Variants in CPEB1 observed in about 807,000 individuals in gnomAD.
CPEB1 encodes cytoplasmic polyadenylation element-binding protein 1.
Under a neutral mutation model 65.8 loss-of-function variants are expected in CPEB1, and 7 were observed. That is an observed-to-expected ratio of 0.11 (90% confidence interval 0.06 to 0.20). CPEB1 has a LOEUF of 0.20. Among genes scored for constraint, CPEB1 ranks in the 10% least tolerant of loss-of-function variants. The pLI is 1.00. For missense variants in CPEB1, 551 were observed against 712.2 expected (o/e 0.77, Z 2.58); for synonymous variants, 262 against 260.0 (o/e 1.01, Z -0.08).
At chr15:82,627,008 C>G (rs1164782251) in intron 3 of CPEB1, among the ~76,000 whole-genome samples, 185 bp downstream of exon 3, 1 of 152,082 alleles carries the variant, frequency 6.6e-6, no homozygotes, top group Admixed American at 6.6e-5. Context: ...TTTACACATC[C>G]TAATCAAAGG....
At chr15:82,622,006 T>C (rs1188934008) in intron 3 of CPEB1, among the ~76,000 whole-genome samples, 5 of 152,234 alleles carry the variant, frequency 3.3e-5, no homozygotes, top group African/African-American at 4.8e-5. Flanking sequence ...AAGACATCCC[T>C]TAATGATGTT....
At chr15:82,555,665 T>C (rs939484901) in intron 6 of CPEB1, among the ~76,000 whole-genome samples, 12 of 152,228 alleles carry the variant, frequency 7.9e-5, no homozygotes, top group Non-Finnish European at 1.6e-4. Context: ...AACCTGCCTC[T>C]TTCCTCTCCA....
chr15:82,637,347 T>C (rs2046745711), intron 1 of CPEB1, among the ~76,000 whole-genome samples: 1 of 152,188 alleles, frequency 6.6e-6, no homozygotes, highest in African/African-American at 2.4e-5. Context: ...CTTCTTCCTA[T>C]TTAAAAAGCA....
chr15:82,635,051 C>T (rs1433851207), intron 1 of CPEB1, among the ~76,000 whole-genome samples: 4 of 152,084 alleles, frequency 2.6e-5, no homozygotes, highest in South Asian at 2.1e-4. Context: ...GATGGGGTTT[C>T]GCCATGTTGG....
chr15:82,564,318 C>T (rs1596027596), intron 4 of CPEB1, among the ~76,000 whole-genome samples: 2 of 152,168 alleles, frequency 1.3e-5, no homozygotes, highest in African/African-American at 2.4e-5. Flanking sequence ...CGGAGTCTCG[C>T]TCTGTTGCCC....
intron 3 of CPEB1, among the ~76,000 whole-genome samples, chr15:82,598,596 C>T (rs558080995): frequency 3.2e-4 from 48 of 152,138 alleles, no homozygotes; most frequent in African/African-American, 1.1e-3. Context: ...ACCAGCCTGA[C>T]CAACATGGTG....
Position 82,552,654 on chromosome 15 carries a change from T to C in CPEB1, c.1145-38A>G, listed in dbSNP as rs1040687389. 3.7e-6 allele frequency: 6 copies of C among 1,610,480 alleles called. No homozygotes were observed. In the African/African-American group the frequency reaches 4.0e-5, roughly 11 times the overall value. ...AGAGGAAAAATCGCATTAATATCCC[T>C]TAGGTGGCCACTCCTCAGCCTTGGC... On this transcript the variant is annotated intron_variant, in intron 8 of 12. Coordinates refer to ENST00000684509, the MANE Select transcript of CPEB1 (RefSeq NM_001365242.1).
intron 1 of CPEB1, among the ~76,000 whole-genome samples, chr15:82,645,874 A>G (rs2047469172): frequency 6.7e-6 from 1 of 149,322 alleles, no homozygotes; most frequent in Admixed American, 6.6e-5. Flanking sequence ...TCTCAAAATA[A>G]ATAAATAAAT....
At chr15:82,594,048 G>A (rs565892693) in intron 3 of CPEB1, among the ~76,000 whole-genome samples, 6 of 152,246 alleles carry the variant, frequency 3.9e-5, no homozygotes, top group Admixed American at 2.6e-4. Context: ...CAGAATGGTC[G>A]GTAAGCACTG....
chr15:82,584,503 C>T (rs2041591256), intron 3 of CPEB1, among the ~76,000 whole-genome samples: 1 of 151,488 alleles, frequency 6.6e-6, no homozygotes, highest in Non-Finnish European at 1.5e-5. Context: ...CATGGTGAAA[C>T]CCCATCTCTA....
intron 4 of CPEB1, among the ~76,000 whole-genome samples, chr15:82,559,364 C>T (rs2037797700): frequency 6.6e-6 from 1 of 152,140 alleles, no homozygotes; most frequent in African/African-American, 2.4e-5. Context: ...ACATTTAACA[C>T]AGGGGAAACT....
chr15:82,585,147 C>T (rs556036416), intron 3 of CPEB1, among the ~76,000 whole-genome samples: 16 of 152,130 alleles, frequency 1.1e-4, no homozygotes, highest in African/African-American at 3.9e-4. Context: ...AGCGGAAGCC[C>T]TTTATTTCAC....
At chr15:82,573,910 T>G (rs1425077085) in intron 3 of CPEB1, among the ~76,000 whole-genome samples, 1 of 152,010 alleles carries the variant, frequency 6.6e-6, no homozygotes, top group Non-Finnish European at 1.5e-5. Flanking sequence ...AAGGCAGCAG[T>G]GAAAGCCATG....
chr15:82,636,724 G>A (rs72751677), intron 1 of CPEB1, among the ~76,000 whole-genome samples: 4,287 of 152,160 alleles, frequency 0.028, 76 homozygotes, highest in Non-Finnish European at 0.034. Context: ...CACTGCCCCA[G>A]AATAGTATCT....
chr15:82,630,907 CA>C lies in CPEB1; in HGVS notation c.-97-2352del, dbSNP rs1164330921. On this transcript the variant is annotated intron_variant, in intron 1 of 12. Coordinates refer to ENST00000684509, the MANE Select transcript of CPEB1 (RefSeq NM_001365242.1). ...CACAAAATTGTGTCTTTTCAATACA[CA>C]AAAATTAACCTAGCTTTTAATTACT... 2.6e-5 allele frequency among the ~76,000 whole-genome samples: 4 copies of C among 152,136 alleles called. No individual in the cohort carries two copies. In the East Asian group the frequency reaches 7.7e-4, roughly 29 times the overall value.
chr15:82,598,835 C>T (rs2042877101), intron 3 of CPEB1, among the ~76,000 whole-genome samples: 1 of 152,056 alleles, frequency 6.6e-6, no homozygotes, highest in African/African-American at 2.4e-5. Context: ...ATACAAATTA[C>T]AACCAATATT....
At position 82,612,369 on chromosome 15, in the gene CPEB1, C is replaced by T. The variant is rs903537930; in HGVS notation, c.271+14824G>A. 3.3e-5 allele frequency among the ~76,000 whole-genome samples: 5 copies of T among 151,678 alleles called. No homozygotes were observed. The East Asian group carries it at 7.7e-4, about 24-fold the overall frequency. ...AAAATTAGCCAGCCATGGTGGAGCA[C>T]CCCTGTAGTCCCAGCTACTTGGGAG... is the stretch of plus-strand genomic sequence containing the variant. On this transcript the variant is annotated intron_variant, in intron 3 of 12. Coordinates refer to ENST00000684509, the MANE Select transcript of CPEB1 (RefSeq NM_001365242.1).
chr15:82,543,694 TA>T lies in CPEB1; in HGVS notation c.*897del, dbSNP rs1361632936. 12 of 152,238 alleles carry T rather than the reference TA, an allele frequency of 7.9e-5. No individual in the cohort carries two copies. In the East Asian group the frequency reaches 1.9e-3, roughly 25 times the overall value. The allele number at this position is 152,238 out of a possible 1,614,324, so 9.4% of individuals were successfully genotyped here. A position where few individuals can be genotyped will look rare whatever the true frequency, so the allele number is the denominator to read the frequency against. On this transcript the variant is annotated 3_prime_UTR_variant, in exon 13 of 13. Coordinates refer to ENST00000684509, the MANE Select transcript of CPEB1 (RefSeq NM_001365242.1). ...GAAAAAAGTCCTGTGACTTTGTGAT[TA>T]AAAACTTCTATCAACCCCACCCCCC...
chr15:82,562,115 A>T (rs2038323021), intron 4 of CPEB1: 7 of 434,432 alleles, frequency 1.6e-5, no homozygotes, highest in South Asian at 1.2e-4. Context: ...AGTGACAGAG[A>T]CTGGATGCTT....
Sources: gnomAD v4.1 joint callset for allele counts (sites outside exome capture counted in the v4.1 genomes callset) on GRCh38, gnomAD v4.1.1 for gene constraint, MANE v1.5 for transcripts, NCBI Gene and HGNC (gene_info 2026-07-23, HGNC 2026-07-21) for gene names.